The following ACACA variants were observed in gnomAD, a reference collection of about 807,000 sequenced individuals.
ACACA encodes acetyl-CoA carboxylase 1.
Under a neutral mutation model 296.1 loss-of-function variants are expected in ACACA, and 103 were observed. The observed-to-expected ratio is 0.35, with a 90% CI of 0.30 to 0.41. The LOEUF (loss-of-function observed/expected upper bound fraction) is 0.41. Among genes scored for constraint, ACACA ranks in the 10% least tolerant of loss-of-function variants. The probability of loss-of-function intolerance (pLI) is 1.00; values close to 1 mark genes in which losing one functional copy is unlikely to be tolerated. For missense variants in ACACA, 1,554 were observed against 2,989.7 expected (o/e 0.52, Z 11.20); for synonymous variants, 953 against 1,038.6 (o/e 0.92, Z 1.58).
At chr17:37,371,198 GC>G (rs1313407133) in intron 1 of ACACA, among the ~76,000 whole-genome samples, 1 of 151,372 alleles carries the variant, frequency 6.6e-6, no homozygotes, top group Admixed American at 6.6e-5. Context: ...TCCTGCCTCA[GC>G]CCCCCGAGTA....
chr17:37,097,239 A>C lies in ACACA; in HGVS notation c.6721-73T>G. On this transcript the variant is annotated intron_variant, in intron 53 of 55. Transcript: ENST00000616317. The surrounding 1 kb of genome is among the most constrained non-coding windows in gnomAD (Gnocchi z 4.8). ...ATGCTCAGTCTGGAGGGAAACCCAC[A>C]GGCATAAAAACTGATTCTCCAGGCA... is the stretch of plus-strand genomic sequence containing the variant. The C allele has an allele frequency of 6.5e-7, 1 of 1,548,706 alleles. No individual in the cohort carries two copies. The highest frequency in any genetic ancestry group is 8.8e-7 in the Non-Finnish European group (1 of 1,140,814).
chr17:37,365,360 C>T, intron 1 of ACACA: 24 of 802,656 alleles, frequency 3.0e-5, no homozygotes, highest in Non-Finnish European at 3.6e-5. Flanking sequence ...TAGTTTGCTA[C>T]CCCCTTTTAT....
intron 54 of ACACA, among the ~76,000 whole-genome samples, chr17:37,096,183 AGTG>A (rs1000116112): frequency 1.2e-4 from 19 of 152,230 alleles, no homozygotes; most frequent in African/African-American, 4.6e-4. Flanking sequence ...CAGCCCCCTT[AGTG>A]GTCTTTCTAA....
Position 37,202,690 on chromosome 17 carries a change from TATATATATATATATATATATATACACAC to T in ACACA, c.4057-2235_4057-2208del, listed in dbSNP as rs1387238636. Among the ~76,000 whole-genome samples the T allele has an allele frequency of 4.9e-3, 83 of 16,964 alleles. 2 individuals are homozygous for T. Among genetic ancestry groups the T allele is most frequent in the Non-Finnish European group, 6.3e-3 (63 of 9,970 alleles). 11.1% of individuals were successfully genotyped at this position (16,964 alleles called of 152,430 possible). ...TTTCATATATATATATATATATATA[TATATATATATATATATATATATACACAC>T]ACACATATATTTTAACAAGGAGATG... On this transcript the variant is annotated intron_variant, in intron 33 of 55. Coordinates refer to ENST00000616317, the MANE Select transcript of ACACA (RefSeq NM_198834.3).
intron 29 of ACACA, among the ~76,000 whole-genome samples, chr17:37,218,476 T>G (rs547382132): frequency 5.9e-5 from 9 of 152,370 alleles, no homozygotes; most frequent in African/African-American, 2.2e-4. Context: ...TTAAATAGCA[T>G]GTAGCTTGTA....
At chr17:37,389,459 GGCT>G (rs1411771960) in intron 1 of ACACA, 49 of 1,458,426 alleles carry the variant, frequency 3.4e-5, no homozygotes, top group Non-Finnish European at 4.0e-5. Context: ...CACTTTGAGA[GGCT>G]GAGGCAGGTG....
At chr17:37,182,186 T>C (rs2077351386) in intron 39 of ACACA, among the ~76,000 whole-genome samples, 1 of 152,138 alleles carries the variant, frequency 6.6e-6, no homozygotes, top group South Asian at 2.1e-4. Flanking sequence ...GATTAGATGG[T>C]ACTTCATAAG....
At chr17:37,257,402 C>T (rs911778651) in intron 14 of ACACA, among the ~76,000 whole-genome samples, 6 of 152,108 alleles carry the variant, frequency 3.9e-5, no homozygotes, top group African/African-American at 7.2e-5. Context: ...AATAACAATA[C>T]TGTTCCTGTG....
intron 48 of ACACA, among the ~76,000 whole-genome samples, chr17:37,124,899 G>A (rs923237126): frequency 3.9e-5 from 6 of 152,160 alleles, no homozygotes; most frequent in Admixed American, 3.3e-4. Flanking sequence ...AACCCAATGT[G>A]GCATGTTTGA....
In ACACA at chr17:37,149,967, C is replaced by A; in HGVS notation, c.5576G>T (p.Cys1859Phe). The change falls in exon 45 of 56, where the codon TGC becomes TTC. Residue 1859 changes from cysteine to phenylalanine, a missense_variant. This residue lies in a region of ACACA where 553 missense variants were observed against 1,043.6 expected (regional missense o/e 0.53). Transcript: ENST00000616317. The stretch of plus-strand genomic sequence containing the variant: ...GTAAGCCCCAATCCCAATGGCCCGG[C>A]ACGTCACCTTAGAAAAGAATAAATT... ...NEIITISLVT[C>F]RAIGIGAYLV... 6.2e-7 allele frequency: 1 copy of A among 1,614,106 alleles called. No homozygotes were observed.
At position 37,207,740 on chromosome 17, in the gene ACACA, A is replaced by C. The variant is rs778846913; in HGVS notation, c.3768T>G (p.Asp1256Glu). 4 of 1,614,016 alleles carry C rather than the reference A, an allele frequency of 2.5e-6. No individual in the cohort carries two copies. In the East Asian group the frequency reaches 8.9e-5, roughly 36 times the overall value. ...GAGTGAATGAGTTGTCCAACAGTAC[A>C]TCGCTGACACTAGCTACATGGGTCA... is the stretch of plus-strand genomic sequence containing the variant. ...YGMTHVASVS[D>E]VLLDNSFTPP... is the part of the protein sequence containing the mutation. The change falls in exon 31 of 56, where the codon GAT (aspartate) becomes GAG (glutamate). Residue 1256 changes from aspartate (D) to glutamate (E), a missense_variant. Physicochemically the swap from Asp to Glu is conservative, Grantham distance 45. Around this residue, in one of 16 missense-constraint regions of ACACA, gnomAD observed 179 missense variants for 283.2 expected, o/e 0.63. Coordinates refer to ENST00000616317, the MANE Select transcript of ACACA (RefSeq NM_198834.3).
chr17:37,234,428 A>C (rs2080011840), intron 25 of ACACA, among the ~76,000 whole-genome samples: 1 of 152,170 alleles, frequency 6.6e-6, no homozygotes, highest in Non-Finnish European at 1.5e-5. Context: ...TTATTTTACT[A>C]AGTTATAGGG....
At chr17:37,245,623 C>A (rs375894625) in intron 19 of ACACA, among the ~76,000 whole-genome samples, 1 of 152,146 alleles carries the variant, frequency 6.6e-6, no homozygotes, top group African/African-American at 2.4e-5. Flanking sequence ...CCAGACATAT[C>A]TTCTAAACCT....
At chr17:37,220,057 T>G (rs1256557831) in intron 29 of ACACA, among the ~76,000 whole-genome samples, 1 of 152,226 alleles carries the variant, frequency 6.6e-6, no homozygotes, top group African/African-American at 2.4e-5. Context: ...ACAGGATTAC[T>G]GTTATGTTCA....
intron 1 of ACACA, among the ~76,000 whole-genome samples, chr17:37,366,514 G>A (rs1034367393): frequency 1.3e-5 from 2 of 150,436 alleles, no homozygotes; most frequent in African/African-American, 4.9e-5. Flanking sequence ...TGTCACCCAG[G>A]CTGGAGTGCA....
Position 37,097,299 on chromosome 17 carries a change from C to G in ACACA, c.6721-133G>C. ...CAGACCCAAGAGCTGGCTGTAAACT[C>G]CTAGCACTTCCAGATGTCCCCCAGG... On this transcript the variant is annotated intron_variant, in intron 53 of 55. Transcript: ENST00000616317. This position sits in a 1 kb window ranked among gnomAD's most constrained non-coding sequence, Gnocchi z 4.8. 9.9e-7 allele frequency: 1 copy of G among 1,005,924 alleles called. No homozygotes were observed. Among genetic ancestry groups the G allele is most frequent in the Non-Finnish European group, 1.5e-6 (1 of 665,290 alleles). 62.3% of individuals were successfully genotyped at this position (1,005,924 alleles called of 1,614,324 possible).
intron 1 of ACACA, among the ~76,000 whole-genome samples, chr17:37,402,356 C>T (rs760286136): frequency 2.6e-5 from 4 of 152,106 alleles, no homozygotes; most frequent in Non-Finnish European, 5.9e-5. Context: ...GTTAAGAGTG[C>T]ATATGAGAAA....
chr17:37,119,077 A>C (rs1305972777), intron 50 of ACACA, among the ~76,000 whole-genome samples: 1 of 152,234 alleles, frequency 6.6e-6, no homozygotes, highest in Non-Finnish European at 1.5e-5. Context: ...GAGTAATAGC[A>C]TAGCATTCTC....
At chr17:37,203,687 G>C (rs2078375077) in intron 33 of ACACA, among the ~76,000 whole-genome samples, 1 of 152,006 alleles carries the variant, frequency 6.6e-6, no homozygotes, top group Non-Finnish European at 1.5e-5. Flanking sequence ...GGGTTGCTGT[G>C]AGCTGAGATC....
Sources: gnomAD v4.1 joint callset for allele counts (sites outside exome capture counted in the v4.1 genomes callset) on GRCh38, gnomAD v4.1.1 for gene constraint, gnomAD v4.1.1 regional missense constraint, Gnocchi (gnomAD v3.1) non-coding constraint, MANE v1.5 for transcripts, NCBI Gene and HGNC (gene_info 2026-07-23, HGNC 2026-07-21) for gene names.